The following MYO1H variants were observed in gnomAD, a reference collection of about 807,000 sequenced individuals.
MYO1H encodes myosin IH, also known as unconventional myosin-Ih.
In MYO1H, 118 loss-of-function variants were observed where a neutral mutation model predicts 149.3. The ratio of observed to expected loss-of-function variants is 0.79; its 90% confidence interval spans 0.68 to 0.92. The LOEUF (loss-of-function observed/expected upper bound fraction) is 0.92. MYO1H is among the 40% of genes least tolerant of loss of function. The probability of loss-of-function intolerance (pLI) is 0.00; values close to 1 mark genes in which losing one functional copy is unlikely to be tolerated. For missense variants in MYO1H, 1,212 were observed against 1,280.7 expected (o/e 0.95, Z 0.82); for synonymous variants, 447 against 465.2 (o/e 0.96, Z 0.50).
chr12:109,440,778 A>G (rs543362793), exon 25 of MYO1H: 2 of 1,566,074 alleles, frequency 1.3e-6, no homozygotes, highest in Non-Finnish European at 1.7e-6. Flanking sequence ...TGCGTGAGGA[A>G]CCTGGTGCAG....
intron 4 of MYO1H, among the ~76,000 whole-genome samples, chr12:109,397,201 A>T (rs1869954134): frequency 6.6e-6 from 1 of 152,138 alleles, no homozygotes; most frequent in Non-Finnish European, 1.5e-5. Context: ...ACCAAAAATA[A>T]TGTATTATTT....
At chr12:109,388,841 A>C in exon 2 of MYO1H, 1 of 1,605,668 alleles carries the variant, frequency 6.2e-7, no homozygotes, top group Non-Finnish European at 8.5e-7. Context: ...AGAACCTCAT[A>C]TACGTAACGT....
At chr12:109,409,240 C>CTT (rs1870542742) in intron 10 of MYO1H, among the ~76,000 whole-genome samples, 20 of 91,028 alleles carry the variant, frequency 2.2e-4, no homozygotes, top group African/African-American at 4.2e-4. Flanking sequence ...TCTTCTTCTT[C>CTT]TTCTTCTTTT....
In MYO1H at chr12:109,412,024, A is replaced by G. The variant is rs1397188827; in HGVS notation, c.1502+39A>G. 2.9e-6 allele frequency: 4 copies of G among 1,377,020 alleles called. No homozygotes were observed. In the African/African-American group the frequency reaches 4.4e-5, roughly 15 times the overall value. 85.3% of individuals were successfully genotyped at this position (1,377,020 alleles called of 1,614,324 possible). Reference sequence around the variant, plus strand: ...TTTACCAGATTTTGCATGGGGGAAGATGATTGTGTCTCCATTTTCTTTAGT... The same window carrying G: ...TTTACCAGATTTTGCATGGGGGAAGGTGATTGTGTCTCCATTTTCTTTAGT... On this transcript the variant is annotated intron_variant, in intron 14 of 31. Transcript: ENST00000310903.
intron 2 of MYO1H, among the ~76,000 whole-genome samples, chr12:109,392,255 C>T (rs1869685228): frequency 6.6e-6 from 1 of 152,210 alleles, no homozygotes; most frequent in Non-Finnish European, 1.5e-5. Flanking sequence ...GCTCCATCTT[C>T]GACATCCTCT....
chr12:109,448,201 C>T (rs1361808731), exon 32 of MYO1H: 1 of 152,218 alleles, frequency 6.6e-6, no homozygotes, highest in Admixed American at 6.5e-5. Flanking sequence ...CAGCAACATG[C>T]TGTAGGAATT....
chr12:109,396,564 C>T, exon 4 of MYO1H: 3 of 1,612,644 alleles, frequency 1.9e-6, no homozygotes, highest in South Asian at 1.1e-5. Context: ...GACTGCTGTT[C>T]TCCAACCCAG....
chr12:109,396,766 T>G (rs540705588), intron 4 of MYO1H, among the ~76,000 whole-genome samples, 184 bp downstream of exon 4: 1 of 151,488 alleles, frequency 6.6e-6, no homozygotes, highest in Non-Finnish European at 1.5e-5. Context: ...TGAATGGGTC[T>G]GCTTATAGTA....
chr12:109,385,540 G>A (rs762652518), intron 1 of MYO1H, among the ~76,000 whole-genome samples: 43 of 152,112 alleles, frequency 2.8e-4, no homozygotes, highest in Admixed American at 1.6e-3. Flanking sequence ...TGATCCGCCT[G>A]CCTTGGCCTC....
chr12:109,443,338 GTA>G (rs10545296), intron 27 of MYO1H, among the ~76,000 whole-genome samples, 174 bp from the exon 28 acceptor site: 1 of 119,020 alleles, frequency 8.4e-6, no homozygotes, highest in African/African-American at 3.3e-5. Flanking sequence ...GTATGTGTAC[GTA>G]TATATGTGTG....
chr12:109,313,946 G>A, the MYO1H span, among the ~76,000 whole-genome samples: 5 of 152,152 alleles, frequency 3.3e-5, no homozygotes, highest in East Asian at 1.9e-4. Flanking sequence ...GTGCAGTGGT[G>A]GGATCTTGGC....
the MYO1H span, among the ~76,000 whole-genome samples, chr12:109,322,217 C>T: frequency 6.6e-6 from 1 of 152,116 alleles, no homozygotes; most frequent in African/African-American, 2.4e-5. Context: ...CCTAAACACT[C>T]CTCCATTAAT....
At chr12:109,326,740 A>T in the MYO1H span, among the ~76,000 whole-genome samples, 1 of 151,700 alleles carries the variant, frequency 6.6e-6, no homozygotes, top group Non-Finnish European at 1.5e-5. Context: ...GGCTGGTCTC[A>T]AATCCCTGGC....
intron 7 of MYO1H, 94 bp from the exon 8 acceptor site, chr12:109,405,828 A>G: frequency 1.2e-6 from 1 of 841,606 alleles, no homozygotes; most frequent in Non-Finnish European, 2.0e-6. Flanking sequence ...TTTTTCCTTC[A>G]GGTGTCTCCA....
chr12:109,442,997 GAAAA>G lies in MYO1H; in HGVS notation c.2689-507_2689-504del, dbSNP rs35940183. ...AAATCCCCATCATGCAGAGAGCCAG[GAAAA>G]AAAAAAAAATATATATATATATATA... On this transcript the variant is annotated intron_variant, in intron 27 of 31. Transcript: ENST00000310903. Among the ~76,000 whole-genome samples the G allele has an allele frequency of 4.1e-4, 28 of 67,794 alleles. 1 individual carries two copies. Among genetic ancestry groups the G allele is most frequent in the South Asian group, 9.2e-4 (2 of 2,184 alleles). The allele number at this position is 67,794 out of a possible 152,430, so 44.5% of individuals were successfully genotyped here.
At chr12:109,434,859 C>T (rs1344673791) in intron 20 of MYO1H, among the ~76,000 whole-genome samples, 178 bp from the exon 21 acceptor site, 1 of 152,092 alleles carries the variant, frequency 6.6e-6, no homozygotes, top group Non-Finnish European at 1.5e-5. Flanking sequence ...TAGGGCCCAC[C>T]CTATTCCAGG....
chr12:109,334,584 C>T, the MYO1H span, among the ~76,000 whole-genome samples: 1 of 152,190 alleles, frequency 6.6e-6, no homozygotes, highest in African/African-American at 2.4e-5. Flanking sequence ...CCTGCTAAAG[C>T]TAGTACACTT....
At chr12:109,417,434 T>C (rs918952390) in intron 15 of MYO1H, among the ~76,000 whole-genome samples, 7 of 151,876 alleles carry the variant, frequency 4.6e-5, no homozygotes, top group Non-Finnish European at 7.4e-5. Context: ...TTCACGCCAT[T>C]CTCCTGCCTC....
the MYO1H span, among the ~76,000 whole-genome samples, chr12:109,339,034 A>G: frequency 6.6e-6 from 1 of 152,294 alleles, no homozygotes; most frequent in East Asian, 1.9e-4. Flanking sequence ...CTTCATATGT[A>G]AATTTTCAGG....
Sources: allele counts gnomAD v4.1 joint callset (sites outside exome capture counted in the v4.1 genomes callset), GRCh38; gene constraint gnomAD v4.1.1; transcripts MANE v1.5; gene names NCBI Gene and HGNC (gene_info 2026-07-23, HGNC 2026-07-21).